Variants in AFAP1L2 observed in about 807,000 individuals in gnomAD.
The protein encoded by AFAP1L2 is actin filament-associated protein 1-like 2.
Under a neutral mutation model 99.3 loss-of-function variants are expected in AFAP1L2, and 46 were observed. The ratio of observed to expected loss-of-function variants is 0.46; its 90% confidence interval spans 0.37 to 0.59. AFAP1L2 has a LOEUF of 0.59. Among genes scored for constraint, AFAP1L2 ranks in the 20% least tolerant of loss-of-function variants. The pLI, the probability that AFAP1L2 is intolerant of heterozygous loss-of-function variation, is 0.00. For missense variants in AFAP1L2, 959 were observed against 1,034.9 expected (o/e 0.93, Z 1.01); for synonymous variants, 397 against 419.1 (o/e 0.95, Z 0.64).
At chr10:114,369,524 G>T (rs1372579113) in intron 1 of AFAP1L2, among the ~76,000 whole-genome samples, 1 of 150,962 alleles carries the variant, frequency 6.6e-6, no homozygotes, top group Non-Finnish European at 1.5e-5. Flanking sequence ...GAACCCGGGA[G>T]GCGGAGCTTG....
intron 2 of AFAP1L2, among the ~76,000 whole-genome samples, chr10:114,337,862 T>G (rs150226423): frequency 6.6e-6 from 1 of 152,166 alleles, no homozygotes. Flanking sequence ...AGGATTCCAC[T>G]GATGAATCCT....
chr10:114,357,431 G>A (rs2051548194), intron 1 of AFAP1L2, among the ~76,000 whole-genome samples: 3 of 152,104 alleles, frequency 2.0e-5, no homozygotes, highest in Non-Finnish European at 2.9e-5. Flanking sequence ...GCTTTAACAA[G>A]GCCCCAAGGT....
chr10:114,289,565 C>T, the AFAP1L2 span: 93 of 1,532,030 alleles, frequency 6.1e-5, no homozygotes, highest in East Asian at 1.4e-3. Flanking sequence ...TACATCATGA[C>T]GAGGATGGCA....
Position 114,300,181 on chromosome 10 carries a change from C to T in AFAP1L2, c.1957+13G>A, listed in dbSNP as rs2040891341. The T allele has an allele frequency of 6.2e-7, 1 of 1,614,136 alleles. No homozygotes were observed. ...ACAGATGGAATCGGGCTAACTTCCCCAAGCACAAGTACCTGCACTGGTCAC... is the reference window on the plus strand; with the variant it reads ...ACAGATGGAATCGGGCTAACTTCCCTAAGCACAAGTACCTGCACTGGTCAC... On this transcript the variant is annotated intron_variant, in intron 15 of 18. Coordinates refer to ENST00000304129, the MANE Select transcript of AFAP1L2 (RefSeq NM_001001936.3).
chr10:114,310,058 G>T (rs1385314816), intron 8 of AFAP1L2, among the ~76,000 whole-genome samples: 2 of 152,062 alleles, frequency 1.3e-5, no homozygotes, highest in Non-Finnish European at 2.9e-5. Context: ...CTCCCGAGTA[G>T]CTGGGATTAC....
chr10:114,348,084 T>C (rs1028920373), intron 1 of AFAP1L2, among the ~76,000 whole-genome samples: 2 of 152,186 alleles, frequency 1.3e-5, no homozygotes, highest in Admixed American at 6.5e-5. Flanking sequence ...TCCCTTAGCA[T>C]TATGTTTTCA....
chr10:114,380,060 A>G (rs2055403016), intron 1 of AFAP1L2, among the ~76,000 whole-genome samples: 1 of 152,226 alleles, frequency 6.6e-6, no homozygotes, highest in East Asian at 1.9e-4. Context: ...GAATATAGCC[A>G]AAGTCAAACC....
In AFAP1L2 at chr10:114,331,853, GCT is replaced by G; in HGVS notation, c.263_264del (p.Gln88ProfsTer37). Reference sequence around the variant, plus strand: ...AGGCTCTTCTGAGGGGCCGAGGAGTGCTGGCTGGGCTCCCCATTGGGTAGCAG... The same window carrying G: ...AGGCTCTTCTGAGGGGCCGAGGAGTGGGCTGGGCTCCCCATTGGGTAGCAG... ...QGLLPNGEPSQHSSAPQKSLP... is the reference protein window; with the variant it reads ...QGLLPNGEPSXHSSAPQKSLP... On this transcript the variant is annotated frameshift_variant, in exon 4 of 19. Coordinates refer to ENST00000304129, the MANE Select transcript of AFAP1L2 (RefSeq NM_001001936.3). LOFTEE classifies it high-confidence loss of function. 7.2e-7 allele frequency: 1 copy of G among 1,383,242 alleles called. No individual in the cohort carries two copies. The highest frequency in any genetic ancestry group is 9.4e-7 in the Non-Finnish European group (1 of 1,060,594). The allele number at this position is 1,383,242 out of a possible 1,614,324, so 85.7% of individuals were successfully genotyped here.
intron 5 of AFAP1L2, among the ~76,000 whole-genome samples, chr10:114,316,888 G>A (rs748371854): frequency 2.0e-5 from 3 of 152,160 alleles, no homozygotes; most frequent in South Asian, 2.1e-4. Flanking sequence ...AATTTCCCAC[G>A]GAGGGCTCAC....
At chr10:114,296,377 AAGG>A in intron 18 of AFAP1L2, 1 of 405,068 alleles carries the variant, frequency 2.5e-6, no homozygotes, top group South Asian at 3.5e-5. Flanking sequence ...TCCAGCAGGT[AAGG>A]AGGATAGGAA....
At chr10:114,340,019 A>C (rs2048565082) in intron 2 of AFAP1L2, among the ~76,000 whole-genome samples, 2 of 148,108 alleles carry the variant, frequency 1.4e-5, no homozygotes, top group South Asian at 4.4e-4. Flanking sequence ...TCAAAAAAAA[A>C]AAAAAAGAGA....
intron 1 of AFAP1L2, among the ~76,000 whole-genome samples, chr10:114,386,783 T>C (rs1309597354): frequency 1.3e-5 from 2 of 152,326 alleles, no homozygotes; most frequent in East Asian, 3.9e-4. Context: ...CCCAGGCAGA[T>C]GTTCTTCTAG....
chr10:114,368,599 G>C (rs1337699405), intron 1 of AFAP1L2, among the ~76,000 whole-genome samples: 9 of 152,060 alleles, frequency 5.9e-5, no homozygotes, highest in Admixed American at 5.9e-4. Flanking sequence ...ATTTTCTGTA[G>C]AGATGGGGTT....
intron 1 of AFAP1L2, among the ~76,000 whole-genome samples, chr10:114,353,912 A>G (rs2050918110): frequency 6.6e-6 from 1 of 152,190 alleles, no homozygotes; most frequent in Non-Finnish European, 1.5e-5. Context: ...GAGGCATGGC[A>G]TCTTGGGAGA....
chr10:114,306,119 C>A (rs1295889051), intron 10 of AFAP1L2, among the ~76,000 whole-genome samples: 147 of 316 alleles, frequency 0.47, 11 homozygotes, highest in African/African-American at 0.52. Flanking sequence ...ATGCAGATGC[C>A]TGGAGGGATG....
In AFAP1L2 at chr10:114,308,421, A is replaced by G; in HGVS notation, c.967+12T>C. 1.9e-6 allele frequency: 3 copies of G among 1,612,092 alleles called. No homozygotes were observed. The highest frequency in any genetic ancestry group is 2.5e-6 in the Non-Finnish European group (3 of 1,178,210). ...CTGGGACACCATTCCCCTCCCAACCACATGATGTTACCGTCTTTGGTTTCT... is the reference window on the plus strand; with the variant it reads ...CTGGGACACCATTCCCCTCCCAACCGCATGATGTTACCGTCTTTGGTTTCT... On this transcript the variant is annotated intron_variant, in intron 9 of 18. Transcript: ENST00000304129.
At chr10:114,370,391 G>A (rs1590651765) in intron 1 of AFAP1L2, among the ~76,000 whole-genome samples, 1 of 152,204 alleles carries the variant, frequency 6.6e-6, no homozygotes, top group African/African-American at 2.4e-5. Context: ...AAATGGAGTG[G>A]CTGGAAATAC....
At chr10:114,366,374 A>G (rs1372674988) in intron 1 of AFAP1L2, among the ~76,000 whole-genome samples, 2 of 152,206 alleles carry the variant, frequency 1.3e-5, no homozygotes, top group East Asian at 3.9e-4. Flanking sequence ...GGCAGAGATG[A>G]TCAATGGAAG....
chr10:114,375,192 T>C lies in AFAP1L2; in HGVS notation c.16+29248A>G, dbSNP rs188645269. 3.1e-3 allele frequency among the ~76,000 whole-genome samples: 466 copies of C among 152,352 alleles called. 1 individual carries two copies. Among genetic ancestry groups the C allele is most frequent in the Non-Finnish European group, 2.8e-3 (190 of 68,028 alleles). On this transcript the variant is annotated intron_variant, in intron 1 of 18. Coordinates refer to ENST00000304129, the MANE Select transcript of AFAP1L2 (RefSeq NM_001001936.3). Reference sequence around the variant, plus strand: ...TGAAAATTATATGAAATTTCAACTTTGGCGTCCATAGATATTTATTGGAAC... The same window carrying C: ...TGAAAATTATATGAAATTTCAACTTCGGCGTCCATAGATATTTATTGGAAC...
Sources: allele counts gnomAD v4.1 joint callset (sites outside exome capture counted in the v4.1 genomes callset), GRCh38; gene constraint gnomAD v4.1.1; transcripts MANE v1.5; gene names NCBI Gene and HGNC (gene_info 2026-07-23, HGNC 2026-07-21).